The following FILIP1L variants were observed in gnomAD, a reference collection of about 807,000 sequenced individuals.
FILIP1L encodes filamin A-interacting protein 1-like.
Under a neutral mutation model 96.6 loss-of-function variants are expected in FILIP1L, and 55 were observed. That is an observed-to-expected ratio of 0.57 (90% confidence interval 0.46 to 0.71). FILIP1L has a LOEUF of 0.71. Among genes scored for constraint, FILIP1L ranks in the 30% least tolerant of loss-of-function variants. The pLI is 0.00. For synonymous variants in FILIP1L, 467 were observed against 473.9 expected (o/e 0.99, Z 0.19); for missense variants, 1,304 against 1,321.2 (o/e 0.99, Z 0.20).
intron 1 of FILIP1L, among the ~76,000 whole-genome samples, chr3:100,112,993 A>G (rs2066515315): frequency 6.6e-6 from 1 of 152,202 alleles, no homozygotes; most frequent in African/African-American, 2.4e-5. Context: ...TGTAATTGCA[A>G]TGCATTCTCT....
intron 1 of FILIP1L, among the ~76,000 whole-genome samples, chr3:100,095,043 G>A (rs2066180635): frequency 6.6e-6 from 1 of 152,138 alleles, no homozygotes; most frequent in Admixed American, 6.5e-5. Flanking sequence ...AAACCAGGCA[G>A]GCATATTTGC....
chr3:100,087,266 A>C (rs1310547888), intron 1 of FILIP1L, among the ~76,000 whole-genome samples: 1 of 152,258 alleles, frequency 6.6e-6, no homozygotes, highest in Non-Finnish European at 1.5e-5. Context: ...CTTATAAAGA[A>C]CTGCCAAACT....
chr3:100,029,034 A>T lies in FILIP1L; in HGVS notation c.-11+85019T>A, dbSNP rs60667014. ...ATTCAATTATTTTTCTTTAAAAAAAATTTTTTTGAGCCTGGAATGGTGGTG... is the reference window on the plus strand; with the variant it reads ...ATTCAATTATTTTTCTTTAAAAAAATTTTTTTTGAGCCTGGAATGGTGGTG... On this transcript the variant is annotated intron_variant, in intron 1 of 5. Coordinates refer to ENST00000477258, the MANE Select transcript of FILIP1L (RefSeq NM_001387850.1). Among the ~76,000 whole-genome samples the T allele has an allele frequency of 9.6e-3, 1,464 of 152,172 alleles. 32 individuals carry two copies. Among genetic ancestry groups the T allele is most frequent in the African/African-American group, 0.032 (1,325 of 41,534 alleles).
intron 1 of FILIP1L, among the ~76,000 whole-genome samples, chr3:100,088,662 CTT>C (rs998486763): frequency 2.0e-5 from 3 of 152,108 alleles, no homozygotes; most frequent in Admixed American, 6.5e-5. Flanking sequence ...TTTTCTCTCT[CTT>C]CTTTTTCTCC....
At chr3:100,047,329 T>C (rs972727849) in intron 1 of FILIP1L, among the ~76,000 whole-genome samples, 1 of 152,252 alleles carries the variant, frequency 6.6e-6, no homozygotes, top group Admixed American at 6.5e-5. Context: ...AAAGCATATT[T>C]ATTGATGCTA....
At chr3:99,833,732 G>A (rs1942781478) in intron 5 of FILIP1L, among the ~76,000 whole-genome samples, 1 of 152,270 alleles carries the variant, frequency 6.6e-6, no homozygotes, top group Non-Finnish European at 1.5e-5. Flanking sequence ...TAGCTCTAGA[G>A]GTTGAGAAGT....
rs200489222 is a variant in FILIP1L, at chr3:99,879,144, GA to G, written c.606-28075del. 7.2e-3 allele frequency among the ~76,000 whole-genome samples: 1,101 copies of G among 152,256 alleles called. 19 individuals are homozygous for G. The highest frequency in any genetic ancestry group is 0.024 in the African/African-American group (1,014 of 41,538). On this transcript the variant is annotated intron_variant, in intron 4 of 5. Transcript: ENST00000477258. Reference sequence around the variant, plus strand: ...TCTACAATTAGTAATCTGAGTTTATGATCTAAATCAGCACTAGCTTTAAACT... The same window carrying G: ...TCTACAATTAGTAATCTGAGTTTATGTCTAAATCAGCACTAGCTTTAAACT...
chr3:99,858,477 T>TA (rs958494185), intron 4 of FILIP1L, among the ~76,000 whole-genome samples: 16 of 151,818 alleles, frequency 1.1e-4, no homozygotes, highest in African/African-American at 3.9e-4. Context: ...AAATAAAATT[T>TA]AAAAAAAATC....
chr3:99,857,683 T>A (rs1194004991), intron 4 of FILIP1L, among the ~76,000 whole-genome samples: 1 of 152,210 alleles, frequency 6.6e-6, no homozygotes, highest in East Asian at 1.9e-4. Context: ...AGGGTGATCA[T>A]CAAGCAATAA....
rs1179854570 is a variant in FILIP1L, at chr3:99,829,279, T to G, written c.*1135A>C. 6.6e-6 allele frequency among the ~76,000 whole-genome samples: 1 copy of G among 152,162 alleles called. No homozygotes were observed. The highest frequency in any genetic ancestry group is 1.5e-5 in the Non-Finnish European group (1 of 68,016). The stretch of plus-strand genomic sequence containing the variant: ...TTTTGAAATGTTTTTTGAACTGCCT[T>G]TTGTGTCAAACATGCCTTGTCTTAA... On this transcript the variant is annotated 3_prime_UTR_variant, in exon 6 of 6. Transcript: ENST00000477258.
intron 1 of FILIP1L, among the ~76,000 whole-genome samples, chr3:99,982,852 T>C (rs1709168716): frequency 6.6e-6 from 1 of 152,140 alleles, no homozygotes; most frequent in African/African-American, 2.4e-5. Context: ...TATGCAGCAA[T>C]AAAAAATAAA....
chr3:99,994,153 C>T (rs1709604310), intron 1 of FILIP1L, among the ~76,000 whole-genome samples: 1 of 152,082 alleles, frequency 6.6e-6, no homozygotes, highest in Non-Finnish European at 1.5e-5. Flanking sequence ...AATCTTGCTA[C>T]TCATTATTGG....
At chr3:99,933,071 G>A (rs1197588438) in intron 1 of FILIP1L, among the ~76,000 whole-genome samples, 1 of 152,176 alleles carries the variant, frequency 6.6e-6, no homozygotes, top group Non-Finnish European at 1.5e-5. Flanking sequence ...ACAAATGGAA[G>A]CACGGGAAAC....
At chr3:99,890,263 C>T (rs962328063) in intron 4 of FILIP1L, among the ~76,000 whole-genome samples, 1 of 152,016 alleles carries the variant, frequency 6.6e-6, no homozygotes, top group African/African-American at 2.4e-5. Flanking sequence ...CCTTTTTTCC[C>T]TGGCTGTTTT....
rs1013158397 is a variant in FILIP1L, at chr3:99,876,023, T to G, written c.606-24953A>C. The stretch of plus-strand genomic sequence containing the variant: ...CACCCACAGACTTGCTACCTGGCTG[T>G]CTGACAGCAGTGCCCCTTGGTGGAG... On this transcript the variant is annotated intron_variant, in intron 4 of 5. Transcript: ENST00000477258. 2.1e-5 allele frequency: 21 copies of G among 984,108 alleles called. No individual in the cohort carries two copies. The South Asian group carries it at 2.8e-4, about 13-fold the overall frequency. 61.0% of individuals were successfully genotyped at this position (984,108 alleles called of 1,614,324 possible). A position where few individuals can be genotyped will look rare whatever the true frequency, so the allele number is the denominator to read the frequency against.
rs547255781 is a variant in FILIP1L at position 99,955,600 on chromosome 3, CTG to C, written c.-10-24572_-10-24571del. On this transcript the variant is annotated intron_variant, in intron 1 of 5. Coordinates refer to ENST00000477258, the MANE Select transcript of FILIP1L (RefSeq NM_001387850.1). ...CAGACACTTTTTTACTTGTGAAAGA[CTG>C]TGAAAAAAATTAATCATATTTTCCT... Among the ~76,000 whole-genome samples, 695 of 152,258 alleles carry C rather than the reference CTG, an allele frequency of 4.6e-3. 2 individuals are homozygous for C. The highest frequency in any genetic ancestry group is 7.0e-3 in the South Asian group (34 of 4,828).
chr3:99,884,163 G>A (rs1049102803), intron 4 of FILIP1L, among the ~76,000 whole-genome samples: 2 of 152,114 alleles, frequency 1.3e-5, no homozygotes, highest in African/African-American at 4.8e-5. Context: ...TATGCATATG[G>A]GAAAAGCTCA....
chr3:100,058,423 A>G (rs564650056), intron 1 of FILIP1L, among the ~76,000 whole-genome samples: 1 of 152,306 alleles, frequency 6.6e-6, no homozygotes, highest in South Asian at 2.1e-4. Flanking sequence ...GGCAGAGAAA[A>G]GTTGACACAT....
intron 1 of FILIP1L, among the ~76,000 whole-genome samples, chr3:99,991,905 TAC>T (rs1168009993): frequency 6.7e-6 from 1 of 149,764 alleles, no homozygotes; most frequent in Non-Finnish European, 1.5e-5. Flanking sequence ...TGTATATATA[TAC>T]ATATATAGGT....
Sources: allele counts gnomAD v4.1 joint callset (sites outside exome capture counted in the v4.1 genomes callset), GRCh38; gene constraint gnomAD v4.1.1; transcripts MANE v1.5; gene names NCBI Gene and HGNC (gene_info 2026-07-23, HGNC 2026-07-21).